The following RIF1 variants were observed in gnomAD, a reference collection of about 807,000 sequenced individuals.
RIF1 encodes replication timing regulatory factor 1, also known as telomere-associated protein RIF1.
In RIF1, 45 loss-of-function variants were observed where a neutral mutation model predicts 247.1. That is an observed-to-expected ratio of 0.18 (90% CI 0.14 to 0.23). RIF1 has a LOEUF of 0.23. RIF1 is among the 10% of genes least tolerant of loss of function. RIF1 has a pLI of 1.00. For missense variants in RIF1, 2,967 were observed against 2,862.5 expected (o/e 1.04, Z -0.83); for synonymous variants, 1,087 against 978.8 (o/e 1.11, Z -2.06).
chr2:151,515,061 CA>C, the RIF1 span: 1 of 627,208 alleles, frequency 1.6e-6, no homozygotes, highest in Non-Finnish European at 2.8e-6. Context: ...AATGGTCACA[CA>C]TTTGAAACAT....
downstream of RIF1, among the ~76,000 whole-genome samples, chr2:151,508,957 G>C (rs1406295121): frequency 1.3e-5 from 2 of 152,174 alleles, no homozygotes; most frequent in Non-Finnish European, 2.9e-5. Context: ...GCTTGTCACT[G>C]TCCTTTCACT....
In RIF1 at chr2:151,497,754, G is replaced by C. The variant is rs141503992; in HGVS notation, c.*514-1591G>C. 1.5e-5 allele frequency: 24 copies of C among 1,553,394 alleles called. No homozygotes were observed. In the African/African-American group the frequency reaches 3.0e-4, roughly 19 times the overall value. On this transcript the variant is annotated intron_variant and NMD_transcript_variant, in intron 10 of 13. Coordinates refer to the RIF1 transcript ENST00000454583. ...AGAAAGCATCCAGAAAAACAACCAT[G>C]AGTAACATTTCATTTCTTGGGACTT...
At chr2:151,485,031 A>T (rs2049478336), downstream of RIF1, among the ~76,000 whole-genome samples, 1 of 152,230 alleles carries the variant, frequency 6.6e-6, no homozygotes. Context: ...GTAAACTTAA[A>T]CATTAAGCCA....
chr2:151,436,043 G>A (rs1183536441), intron 11 of RIF1, among the ~76,000 whole-genome samples: 4 of 152,014 alleles, frequency 2.6e-5, no homozygotes, highest in Admixed American at 6.6e-5. Flanking sequence ...GGCCAACACG[G>A]TGAAACCCAG....
intron 7 of RIF1, 103 bp from the exon 8 acceptor site, chr2:151,422,847 A>G: frequency 1.5e-6 from 1 of 664,920 alleles, no homozygotes; most frequent in South Asian, 1.9e-5. Context: ...ATTATGGAGA[A>G]AACTATTTGG....
At chr2:151,503,949 C>T (rs1190912719) in intron 12 of RIF1, among the ~76,000 whole-genome samples, 1 of 152,132 alleles carries the variant, frequency 6.6e-6, no homozygotes, top group Non-Finnish European at 1.5e-5. Flanking sequence ...ATGGCTTAAT[C>T]AGTTTATTTT....
chr2:151,498,064 G>A (rs2061505327), intron 10 of RIF1: 2 of 1,455,672 alleles, frequency 1.4e-6, no homozygotes, highest in African/African-American at 1.4e-5. Context: ...TTTAAAACAT[G>A]TTTGTTTGTA....
rs1191957165 is a variant in RIF1, at chr2:151,411,460, AGGCTCG to A, written c.183+130_183+135del. ...TGCCCAGGCGAGAGTGCAATGGCTC[AGGCTCG>A]GGCTCGGCTCACTGAAACCTCCGCC... is the stretch of plus-strand genomic sequence containing the variant. On this transcript the variant is annotated intron_variant, in intron 3 of 35. Transcript: ENST00000444746. The A allele has an allele frequency of 8.3e-5, 50 of 604,934 alleles. No homozygotes were observed. In the African/African-American group the frequency reaches 8.6e-4, roughly 10 times the overall value. The allele number at this position is 604,934 out of a possible 1,614,324, so 37.5% of individuals were successfully genotyped here.
chr2:151,455,447 G>A (rs748863040), intron 22 of RIF1, among the ~76,000 whole-genome samples: 26 of 152,160 alleles, frequency 1.7e-4, no homozygotes, highest in Non-Finnish European at 3.2e-4. Context: ...ATGATAGATA[G>A]GAAAGCTTAC....
At chr2:151,515,770 T>C in the RIF1 span, among the ~76,000 whole-genome samples, 30 of 152,208 alleles carry the variant, frequency 2.0e-4, 1 homozygote, top group Admixed American at 2.0e-3. Context: ...GATTGACCAA[T>C]TGTTTGAAGC....
chr2:151,526,766 C>T, the RIF1 span, among the ~76,000 whole-genome samples: 2 of 152,140 alleles, frequency 1.3e-5, no homozygotes, highest in African/African-American at 2.4e-5. Flanking sequence ...TGACTGCTGG[C>T]GCCCCTCACA....
downstream of RIF1, among the ~76,000 whole-genome samples, chr2:151,511,975 C>CT (rs943360844): frequency 5.7e-4 from 84 of 146,320 alleles, 1 homozygote; most frequent in African/African-American, 2.0e-3. Flanking sequence ...TAAAAGAGTT[C>CT]TTCACTACCT....
At chr2:151,422,804 A>G (rs566029936) in intron 7 of RIF1, 146 bp from the exon 8 acceptor site, 2 of 529,450 alleles carry the variant, frequency 3.8e-6, no homozygotes, top group African/African-American at 2.0e-5. Flanking sequence ...GGCTTGACCC[A>G]CCGCACCTGG....
the RIF1 span, among the ~76,000 whole-genome samples, chr2:151,516,197 G>A: frequency 5.9e-5 from 9 of 152,162 alleles, no homozygotes; most frequent in Non-Finnish European, 1.0e-4. Context: ...TATAATTTGT[G>A]TTGGGAATAG....
rs1696749663 is a variant in RIF1, at chr2:151,465,434, G to A, written c.5914G>A (p.Asp1972Asn). ...KEVATEEFNSDISLSDNTTPV... is the reference protein window; with the variant it reads ...KEVATEEFNSNISLSDNTTPV... The stretch of plus-strand genomic sequence containing the variant: ...AGTAGCAACTGAGGAATTTAATTCA[G>A]ATATTAGTCTTTCTGATAATACTAC... The change falls in exon 30 of 36, where the codon GAT (aspartate) becomes AAT (asparagine). Residue 1972 changes from aspartate to asparagine, a missense_variant. Coordinates refer to ENST00000444746, the MANE Select transcript of RIF1 (RefSeq NM_018151.5). 1.9e-6 allele frequency: 3 copies of A among 1,613,822 alleles called. No individual in the cohort carries two copies. Among genetic ancestry groups the A allele is most frequent in the African/African-American group, 1.3e-5 (1 of 74,926 alleles).
intron 13 of RIF1, chr2:151,506,999 A>C: frequency 6.3e-7 from 1 of 1,597,132 alleles, no homozygotes; most frequent in Non-Finnish European, 8.6e-7. Flanking sequence ...TTTTAAGGTC[A>C]CACTGGTATT....
chr2:151,519,112 A>G, the RIF1 span: 2 of 1,232,144 alleles, frequency 1.6e-6, no homozygotes, highest in African/African-American at 1.5e-5. Flanking sequence ...TAAATAGGAA[A>G]TGGAACAGCA....
chr2:151,449,712 T>A (rs1693933181), intron 20 of RIF1, among the ~76,000 whole-genome samples: 1 of 151,824 alleles, frequency 6.6e-6, no homozygotes, highest in African/African-American at 2.4e-5. Context: ...ATTTTATTGA[T>A]CATTACTACA....
At chr2:151,506,931 T>C (rs528472700) in intron 13 of RIF1, 1 of 1,608,428 alleles carries the variant, frequency 6.2e-7, no homozygotes, top group Admixed American at 1.7e-5. Flanking sequence ...CTTCTGATTT[T>C]CTTTTACACG....
Sources: gnomAD v4.1 joint callset for allele counts (sites outside exome capture counted in the v4.1 genomes callset) on GRCh38, gnomAD v4.1.1 for gene constraint, MANE v1.5 for transcripts, NCBI Gene and HGNC (gene_info 2026-07-23, HGNC 2026-07-21) for gene names.